Variants in RABGAP1 observed in about 807,000 individuals in gnomAD.
The protein encoded by RABGAP1 is rab GTPase-activating protein 1.
RABGAP1 carries 23 observed loss-of-function variants against 137.6 expected under a neutral mutation model. The ratio of observed to expected loss-of-function variants is 0.17; its 90% CI spans 0.12 to 0.24. The LOEUF (loss-of-function observed/expected upper bound fraction) is 0.24, where lower values mean the gene tolerates loss of function less well. Among genes scored for constraint, RABGAP1 ranks in the 10% least tolerant of loss-of-function variants. The probability of loss-of-function intolerance (pLI) is 1.00; values close to 1 mark genes in which losing one functional copy is unlikely to be tolerated. For synonymous variants in RABGAP1, 451 were observed against 450.7 expected, an observed-to-expected ratio of 1.00 and a Z score of -0.01; for missense variants, 906 against 1,275.8, an observed-to-expected ratio of 0.71 and a Z score of 4.42.
At position 123,104,030 on chromosome 9, in the gene RABGAP1, T is replaced by C. The variant is rs1300378052; in HGVS notation, c.*817T>C. 2.6e-5 allele frequency: 4 copies of C among 151,710 alleles called. No homozygotes were observed. Among genetic ancestry groups the C allele is most frequent in the African/African-American group, 7.3e-5 (3 of 41,108 alleles). 9.4% of individuals were successfully genotyped at this position (151,710 alleles called of 1,614,324 possible). ...ATATATATAAATATCTTTCCCAATA[T>C]GCCCCGTTGACAGTGTTTAAATTCC... On this transcript the variant is annotated 3_prime_UTR_variant, in exon 26 of 26. Coordinates refer to ENST00000373647, the MANE Select transcript of RABGAP1 (RefSeq NM_012197.4).
intron 5 of RABGAP1, chr9:122,989,850 C>G (rs1214920056): frequency 7.2e-6 from 4 of 552,596 alleles, no homozygotes; most frequent in Non-Finnish European, 1.2e-5. Flanking sequence ...ATTTATAGTG[C>G]TTACAACCAT....
chr9:123,029,327 T>C, intron 13 of RABGAP1: 1 of 709,072 alleles, frequency 1.4e-6, no homozygotes, highest in South Asian at 1.8e-5. Flanking sequence ...ATTTTTTTTT[T>C]TTACTTAATA....
intron 24 of RABGAP1, among the ~76,000 whole-genome samples, chr9:123,100,529 TCTC>T (rs1358944317): frequency 6.6e-6 from 1 of 151,898 alleles, no homozygotes; most frequent in African/African-American, 2.4e-5. Flanking sequence ...TTCAAGCTAT[TCTC>T]CTTCCTCGCC....
At chr9:123,035,894 C>T (rs1008916888) in intron 13 of RABGAP1, among the ~76,000 whole-genome samples, 2 of 152,090 alleles carry the variant, frequency 1.3e-5, no homozygotes, top group South Asian at 2.1e-4. Context: ...CTACAGTTCT[C>T]AGATTTAAAA....
At chr9:123,099,390 C>A in intron 23 of RABGAP1, 88 bp from the exon 24 acceptor site, 2 of 1,255,584 alleles carry the variant, frequency 1.6e-6, no homozygotes. Context: ...ATGTTAATTC[C>A]AATTTACATA....
chr9:123,090,518 G>C, intron 21 of RABGAP1, 133 bp downstream of exon 21: 1 of 652,752 alleles, frequency 1.5e-6, no homozygotes, highest in Non-Finnish European at 2.5e-6. Flanking sequence ...CAACTTGCTT[G>C]TCAGTGTCAC....
At chr9:122,947,420 A>G (rs560819143) in intron 1 of RABGAP1, among the ~76,000 whole-genome samples, 40 of 152,314 alleles carry the variant, frequency 2.6e-4, no homozygotes, top group African/African-American at 9.1e-4. Flanking sequence ...TTGCATGACA[A>G]TGTAAATGTA....
At chr9:123,081,289 C>T (rs1177299122) in intron 19 of RABGAP1, among the ~76,000 whole-genome samples, 4 of 152,154 alleles carry the variant, frequency 2.6e-5, no homozygotes, top group Non-Finnish European at 5.9e-5. Context: ...AGAAGTTACA[C>T]GTGGATTTTC....
At chr9:123,075,774 C>T (rs1432236230) in intron 17 of RABGAP1, among the ~76,000 whole-genome samples, 1 of 152,184 alleles carries the variant, frequency 6.6e-6, no homozygotes, top group Non-Finnish European at 1.5e-5. Flanking sequence ...ACTTGATCAA[C>T]AGATGTTAGT....
At chr9:122,932,065 T>G in the RABGAP1 span, among the ~76,000 whole-genome samples, 3 of 152,196 alleles carry the variant, frequency 2.0e-5, no homozygotes, top group Non-Finnish European at 4.4e-5. Context: ...GGCAGCTACA[T>G]GGACGAGATC....
chr9:123,076,108 T>G (rs1457748755), intron 17 of RABGAP1, 137 bp from the exon 18 acceptor site: 1 of 885,270 alleles, frequency 1.1e-6, no homozygotes, highest in Non-Finnish European at 1.7e-6. Context: ...GTTTTTATTT[T>G]TCAAGGTAGT....
At chr9:122,950,568 AC>A (rs1834190769) in intron 1 of RABGAP1, among the ~76,000 whole-genome samples, 1 of 150,624 alleles carries the variant, frequency 6.6e-6, no homozygotes, top group Non-Finnish European at 1.5e-5. Context: ...CCCTTTACAC[AC>A]CTCTGTTATA....
chr9:122,932,380 C>T, the RABGAP1 span, among the ~76,000 whole-genome samples: 2 of 152,102 alleles, frequency 1.3e-5, no homozygotes, highest in Admixed American at 6.5e-5. Flanking sequence ...AGCCACTGCT[C>T]CCAGCCTTTC....
intron 6 of RABGAP1, among the ~76,000 whole-genome samples, chr9:122,992,077 C>G (rs1284355940): frequency 1.3e-5 from 2 of 151,740 alleles, no homozygotes; most frequent in Non-Finnish European, 2.9e-5. Flanking sequence ...TGCTCTGTCA[C>G]CAAGGCTGGA....
intron 1 of RABGAP1, among the ~76,000 whole-genome samples, chr9:122,945,175 G>GT (rs1169604905): frequency 2.8e-4 from 5 of 17,964 alleles, no homozygotes; most frequent in African/African-American, 5.3e-4. Flanking sequence ...GCATAAACTG[G>GT]TTACCTAGTC....
At chr9:123,022,499 T>C (rs545403629) in intron 13 of RABGAP1, among the ~76,000 whole-genome samples, 116 of 152,062 alleles carry the variant, frequency 7.6e-4, no homozygotes, top group Non-Finnish European at 1.6e-3. Context: ...CTCTGCCTCC[T>C]GGGTTTAAGC....
chr9:123,015,480 C>G, intron 11 of RABGAP1, 63 bp from the exon 12 acceptor site: 1 of 1,018,446 alleles, frequency 9.8e-7, no homozygotes, highest in Non-Finnish European at 1.5e-6. Context: ...CTTAACATTC[C>G]AGTGTTCTTC....
intron 21 of RABGAP1, among the ~76,000 whole-genome samples, chr9:123,094,151 T>A (rs902209537): frequency 8.5e-5 from 13 of 152,224 alleles, no homozygotes; most frequent in Admixed American, 8.5e-4. Context: ...TTTTTAAATA[T>A]ATTTTTTCAG....
intron 13 of RABGAP1, among the ~76,000 whole-genome samples, chr9:123,024,241 G>A (rs1422773032): frequency 6.6e-6 from 1 of 152,146 alleles, no homozygotes; most frequent in East Asian, 1.9e-4. Flanking sequence ...TAGAACAATA[G>A]TAATAGCTAC....
Sources: gnomAD v4.1 joint callset for allele counts (sites outside exome capture counted in the v4.1 genomes callset) on GRCh38, gnomAD v4.1.1 for gene constraint, MANE v1.5 for transcripts, NCBI Gene and HGNC (gene_info 2026-07-23, HGNC 2026-07-21) for gene names.